Variants in AGBL4 observed in about 807,000 individuals in gnomAD.
AGBL4 encodes the protein AGBL carboxypeptidase 4.
In AGBL4, 58 loss-of-function variants were observed where a neutral mutation model predicts 66.4. The observed-to-expected ratio is 0.87, with a 90% CI of 0.71 to 1.09. AGBL4 has a LOEUF of 1.09. Among genes scored for constraint, AGBL4 ranks in the 50% least tolerant of loss-of-function variants. The pLI is 0.00. For missense variants in AGBL4, 579 were observed against 631.0 expected (o/e 0.92, Z 0.88); for synonymous variants, 234 against 222.9 (o/e 1.05, Z -0.44).
At chr1:49,836,648 GA>G (rs1286816535) in intron 2 of AGBL4, among the ~76,000 whole-genome samples, 1 of 152,186 alleles carries the variant, frequency 6.6e-6, no homozygotes, top group African/African-American at 2.4e-5. Context: ...CTTTGGAGGA[GA>G]AGAGGTGTTC....
chr1:49,890,203 G>A (rs553246581), intron 1 of AGBL4, among the ~76,000 whole-genome samples: 1 of 152,060 alleles, frequency 6.6e-6, no homozygotes, highest in Non-Finnish European at 1.5e-5. Flanking sequence ...AGGCTTAAAC[G>A]GTTAACTTTC....
intron 5 of AGBL4, among the ~76,000 whole-genome samples, chr1:48,868,891 C>A (rs1488096993): frequency 2.0e-5 from 3 of 152,156 alleles, no homozygotes; most frequent in African/African-American, 7.2e-5. Flanking sequence ...CTGTTTCTAG[C>A]TACTTCAGTC....
At chr1:49,856,834 C>T (rs1196625116) in intron 1 of AGBL4, among the ~76,000 whole-genome samples, 1 of 152,048 alleles carries the variant, frequency 6.6e-6, no homozygotes, top group Non-Finnish European at 1.5e-5. Flanking sequence ...AGGATGCCCA[C>T]TTTCACTTCT....
At chr1:49,622,628 CAAAAAAAAAAA>C (rs71059557) in intron 3 of AGBL4, among the ~76,000 whole-genome samples, 2 of 65,484 alleles carry the variant, frequency 3.1e-5, no homozygotes, top group African/African-American at 1.2e-4. Flanking sequence ...GACTCCGTCT[CAAAAAAAAAAA>C]AAAAAAAAAA....
intron 5 of AGBL4, among the ~76,000 whole-genome samples, chr1:48,990,545 C>T (rs1463945609): frequency 2.0e-5 from 3 of 152,044 alleles, no homozygotes; most frequent in Admixed American, 6.6e-5. Context: ...CTGTAACCCA[C>T]TTAAATTTGA....
intron 3 of AGBL4, among the ~76,000 whole-genome samples, chr1:49,329,729 T>C (rs1645295744): frequency 6.6e-6 from 1 of 151,598 alleles, no homozygotes. Flanking sequence ...TCTTTGTCTA[T>C]CAAAATTCTA....
intron 3 of AGBL4, among the ~76,000 whole-genome samples, chr1:49,495,535 T>G (rs1199104221): frequency 6.6e-6 from 1 of 151,764 alleles, no homozygotes; most frequent in Non-Finnish European, 1.5e-5. Context: ...GATTTTTGAT[T>G]TCAGAAGGAA....
chr1:49,379,383 C>T (rs193289270), intron 3 of AGBL4, among the ~76,000 whole-genome samples: 61 of 152,204 alleles, frequency 4.0e-4, no homozygotes, highest in Admixed American at 1.4e-3. Flanking sequence ...CATAGAACTG[C>T]CTGGCACAGA....
At chr1:49,906,981 G>A (rs1650339649) in intron 1 of AGBL4, among the ~76,000 whole-genome samples, 1 of 151,998 alleles carries the variant, frequency 6.6e-6, no homozygotes, top group East Asian at 1.9e-4. Context: ...TTCTACTTAA[G>A]TCAATATAAG....
At chr1:49,858,110 G>GA (rs1397982773) in intron 1 of AGBL4, among the ~76,000 whole-genome samples, 1 of 151,886 alleles carries the variant, frequency 6.6e-6, no homozygotes, top group Non-Finnish European at 1.5e-5. Context: ...CAAAACATAT[G>GA]AAAAAATGCT....
intron 4 of AGBL4, among the ~76,000 whole-genome samples, chr1:49,073,069 T>G (rs1644641749): frequency 6.6e-6 from 1 of 152,228 alleles, no homozygotes; most frequent in African/African-American, 2.4e-5. Flanking sequence ...TTCACAAGGT[T>G]CTCGTGCTAC....
intron 3 of AGBL4, among the ~76,000 whole-genome samples, chr1:49,609,314 G>A (rs1462870396): frequency 6.6e-6 from 1 of 152,006 alleles, no homozygotes; most frequent in Non-Finnish European, 1.5e-5. Context: ...AGTATTTGAT[G>A]AGAAGGAATA....
At chr1:49,670,075 T>C (rs562315145) in intron 3 of AGBL4, among the ~76,000 whole-genome samples, 1 of 151,930 alleles carries the variant, frequency 6.6e-6, no homozygotes, top group South Asian at 2.1e-4. Flanking sequence ...CAAGTATAAA[T>C]TTGAAAAAAA....
intron 3 of AGBL4, among the ~76,000 whole-genome samples, chr1:49,465,512 C>T (rs983431392): frequency 1.3e-5 from 2 of 151,838 alleles, no homozygotes; most frequent in South Asian, 4.1e-4. Flanking sequence ...TCAACAAATG[C>T]GACCATCTTT....
intron 1 of AGBL4, among the ~76,000 whole-genome samples, chr1:49,874,068 A>G (rs1426925813): frequency 1.3e-5 from 2 of 152,118 alleles, no homozygotes; most frequent in Admixed American, 6.6e-5. Context: ...CCAGAAATAC[A>G]TCCATATGCA....
At chr1:49,063,163 A>T (rs763217848) in intron 4 of AGBL4, among the ~76,000 whole-genome samples, 14 of 152,170 alleles carry the variant, frequency 9.2e-5, no homozygotes, top group Non-Finnish European at 1.6e-4. Flanking sequence ...TACTTGAAAG[A>T]CTTTCTTTGC....
chr1:48,608,992 C>A (rs1054369784), intron 9 of AGBL4, among the ~76,000 whole-genome samples: 1 of 152,078 alleles, frequency 6.6e-6, no homozygotes, highest in South Asian at 2.1e-4. Flanking sequence ...GATGAGGGAC[C>A]CTTGGCTCAG....
chr1:49,830,665 G>C (rs994300645), intron 2 of AGBL4, among the ~76,000 whole-genome samples: 1 of 152,142 alleles, frequency 6.6e-6, no homozygotes, highest in Non-Finnish European at 1.5e-5. Context: ...TGGTGTTTCA[G>C]TCATGAAGTC....
At chr1:49,638,983 C>T (rs1422046783) in intron 3 of AGBL4, among the ~76,000 whole-genome samples, 2 of 152,104 alleles carry the variant, frequency 1.3e-5, no homozygotes, top group African/African-American at 4.8e-5. Flanking sequence ...AGTTCTATGA[C>T]TCTTGTTAAG....
Sources: allele counts gnomAD v4.1 joint callset (sites outside exome capture counted in the v4.1 genomes callset), GRCh38; gene constraint gnomAD v4.1.1; transcripts MANE v1.5; gene names NCBI Gene and HGNC (gene_info 2026-07-23, HGNC 2026-07-21).